The following CEP112 variants were observed in gnomAD, a reference collection of about 807,000 sequenced individuals.
The protein encoded by CEP112 is centrosomal protein 112.
In CEP112, 127 loss-of-function variants were observed where a neutral mutation model predicts 153.0. That is an observed-to-expected ratio of 0.83 (90% CI 0.72 to 0.96). The LOEUF (loss-of-function observed/expected upper bound fraction) is 0.96, where lower values mean the gene tolerates loss of function less well. Ranked by LOEUF, CEP112 falls within the 40% of genes least tolerant of loss-of-function variation. The pLI is 0.00. For missense variants in CEP112, 1,089 were observed against 1,101.2 expected (o/e 0.99, Z 0.16); for synonymous variants, 358 against 374.4 (o/e 0.96, Z 0.51).
intron 8 of CEP112, among the ~76,000 whole-genome samples, chr17:66,088,715 C>T (rs2068030973): frequency 6.6e-6 from 1 of 152,164 alleles, no homozygotes; most frequent in Admixed American, 6.5e-5. Context: ...GGGTCTAGAC[C>T]TGACTAACAG....
intron 19 of CEP112, among the ~76,000 whole-genome samples, chr17:65,919,102 G>A (rs2060606033): frequency 1.3e-5 from 2 of 152,188 alleles, no homozygotes; most frequent in Admixed American, 1.3e-4. Context: ...CACCCCCCTG[G>A]GGGATCTGAG....
intron 2 of CEP112, among the ~76,000 whole-genome samples, chr17:66,182,725 A>T (rs1193452982): frequency 2.0e-5 from 3 of 152,238 alleles, no homozygotes; most frequent in Non-Finnish European, 4.4e-5. Context: ...ACAAGATAGC[A>T]ACAAAACTTT....
intron 8 of CEP112, among the ~76,000 whole-genome samples, chr17:66,085,186 AAATAT>A (rs1395240852): frequency 6.6e-6 from 1 of 152,234 alleles, no homozygotes; most frequent in Non-Finnish European, 1.5e-5. Flanking sequence ...AGTTTTACTG[AAATAT>A]AATTTATATA....
chr17:65,785,250 T>C lies in CEP112; in HGVS notation c.2395-34526A>G, dbSNP rs183904375. 2.0e-5 allele frequency among the ~76,000 whole-genome samples: 3 copies of C among 152,340 alleles called. No homozygotes were observed. The East Asian group carries it at 5.8e-4, about 29-fold the overall frequency. On this transcript the variant is annotated intron_variant, in intron 21 of 26. Coordinates refer to ENST00000535342, the MANE Select transcript of CEP112 (RefSeq NM_001199165.4). ...CAAACATTTGAGTTTTTTCCACTTT[T>C]TGACTACTATGAATAATGCTTCTGT...
At chr17:65,877,906 G>A (rs9652865) in intron 20 of CEP112, among the ~76,000 whole-genome samples, 130,702 of 152,194 alleles carry the variant, frequency 0.86, 56,397 homozygotes, top group East Asian at 0.94. Context: ...GATGAACCTG[G>A]AGGATATTAC....
intron 6 of CEP112, among the ~76,000 whole-genome samples, chr17:66,121,103 A>G (rs1298359210): frequency 6.6e-6 from 1 of 151,410 alleles, no homozygotes; most frequent in Non-Finnish European, 1.5e-5. Flanking sequence ...ACATGGAGAA[A>G]CCCCGTCTCT....
At chr17:65,779,811 GT>G (rs2053898827) in intron 21 of CEP112, among the ~76,000 whole-genome samples, 3 of 152,188 alleles carry the variant, frequency 2.0e-5, no homozygotes, top group African/African-American at 7.2e-5. Flanking sequence ...AAACAAGACC[GT>G]TTTTGAGAAG....
chr17:65,688,355 A>T (rs537324796), intron 24 of CEP112: 5 of 152,310 alleles, frequency 3.3e-5, no homozygotes, highest in African/African-American at 1.2e-4. Context: ...TTCTTCTCCC[A>T]GTTTCATCAC....
intron 20 of CEP112, among the ~76,000 whole-genome samples, chr17:65,861,429 T>C (rs2058305633): frequency 6.6e-6 from 1 of 152,166 alleles, no homozygotes; most frequent in Admixed American, 6.5e-5. Flanking sequence ...GTTAAGAACA[T>C]TTGTTCATCA....
chr17:65,689,220 T>C lies in CEP112; in HGVS notation c.2608-2A>G. On this transcript the variant is annotated splice_acceptor_variant, in intron 23 of 26. Coordinates refer to ENST00000535342, the MANE Select transcript of CEP112 (RefSeq NM_001199165.4). LOFTEE classifies it high-confidence loss of function. ...GTTTTCTAATTCATCTTGTAAAACC[T>C]GAAACGGTATAAAATAAAGATATCA... is the stretch of plus-strand genomic sequence containing the variant. 1.3e-6 allele frequency: 2 copies of C among 1,599,444 alleles called. No individual in the cohort carries two copies. Among genetic ancestry groups the C allele is most frequent in the Non-Finnish European group, 1.7e-6 (2 of 1,166,740 alleles).
chr17:65,685,906 C>T (rs2047763143), intron 24 of CEP112, among the ~76,000 whole-genome samples: 1 of 151,988 alleles, frequency 6.6e-6, no homozygotes, highest in African/African-American at 2.4e-5. Context: ...CTCCTAACCT[C>T]AGGTGATCGG....
chr17:65,736,740 G>A (rs749679958), intron 23 of CEP112, among the ~76,000 whole-genome samples: 1 of 152,164 alleles, frequency 6.6e-6, no homozygotes. Flanking sequence ...TCTAACTAGA[G>A]TTAGTATGTA....
At chr17:65,819,913 A>G (rs553351132) in intron 21 of CEP112, among the ~76,000 whole-genome samples, 1 of 152,160 alleles carries the variant, frequency 6.6e-6, no homozygotes, top group African/African-American at 2.4e-5. Flanking sequence ...CTTTAATGGA[A>G]AAGCTAGTGA....
chr17:65,733,591 T>C (rs2050636934), intron 23 of CEP112, among the ~76,000 whole-genome samples: 1 of 152,192 alleles, frequency 6.6e-6, no homozygotes, highest in Non-Finnish European at 1.5e-5. Context: ...AGGCAAAATA[T>C]ATGACGGTTA....
chr17:66,058,494 A>G (rs2066794655), intron 11 of CEP112, among the ~76,000 whole-genome samples: 1 of 115,366 alleles, frequency 8.7e-6, no homozygotes, highest in Non-Finnish European at 1.9e-5. Context: ...CAGAATTAGA[A>G]AAAAGATTCT....
Position 66,051,682 on chromosome 17 carries a change from C to T in CEP112, c.1218+2054G>A, listed in dbSNP as rs185146905. ...CACACTCTAAGATATATGTGTCATA[C>T]GCCTGCGTAACAACTCTTGTTTAAA... On this transcript the variant is annotated intron_variant, in intron 12 of 26. Coordinates refer to ENST00000535342, the MANE Select transcript of CEP112 (RefSeq NM_001199165.4). 1.1e-3 allele frequency among the ~76,000 whole-genome samples: 160 copies of T among 152,216 alleles called. 2 individuals are homozygous for T. Among genetic ancestry groups the T allele is most frequent in the South Asian group, 8.5e-3 (41 of 4,822 alleles).
intron 21 of CEP112, among the ~76,000 whole-genome samples, chr17:65,841,682 T>C (rs1295493792): frequency 6.6e-6 from 1 of 152,004 alleles, no homozygotes; most frequent in East Asian, 1.9e-4. Context: ...AGATAAATGT[T>C]TGAGGTGTTA....
At chr17:65,685,133 G>A (rs2047717575) in intron 24 of CEP112, among the ~76,000 whole-genome samples, 1 of 152,194 alleles carries the variant, frequency 6.6e-6, no homozygotes, top group Admixed American at 6.5e-5. Context: ...TGGGGACTCT[G>A]TGTGCTGATC....
intron 5 of CEP112, among the ~76,000 whole-genome samples, chr17:66,130,794 C>CAA (rs1568527270): frequency 7.3e-6 from 1 of 136,592 alleles, no homozygotes; most frequent in African/African-American, 2.7e-5. Flanking sequence ...AAAAAAAAAA[C>CAA]ACACACAATT....
Sources: gnomAD v4.1 joint callset for allele counts (sites outside exome capture counted in the v4.1 genomes callset) on GRCh38, gnomAD v4.1.1 for gene constraint, MANE v1.5 for transcripts, NCBI Gene and HGNC (gene_info 2026-07-23, HGNC 2026-07-21) for gene names.